MACROD2: variants seen among roughly 807,000 people sequenced by gnomAD.
MACROD2 encodes ADP-ribose glycohydrolase MACROD2.
Under a neutral mutation model 70.4 loss-of-function variants are expected in MACROD2, and 36 were observed. That is an observed-to-expected ratio of 0.51 (90% CI 0.39 to 0.68). MACROD2 has a LOEUF of 0.68. MACROD2 is among the 30% of genes least tolerant of loss of function. The probability of loss-of-function intolerance (pLI) is 0.00; values close to 1 mark genes in which losing one functional copy is unlikely to be tolerated. For missense variants in MACROD2, 496 were observed against 538.4 expected (o/e 0.92, Z 0.78); for synonymous variants, 172 against 178.8 (o/e 0.96, Z 0.30).
intron 8 of MACROD2, among the ~76,000 whole-genome samples, chr20:15,629,469 G>T (rs769783349): frequency 1.6e-4 from 25 of 152,132 alleles, no homozygotes; most frequent in Non-Finnish European, 2.6e-4. Flanking sequence ...AAATACGTGG[G>T]ATATTTCTCT....
chr20:14,773,383 A>G (rs1344914846), intron 5 of MACROD2, among the ~76,000 whole-genome samples: 1 of 151,860 alleles, frequency 6.6e-6, no homozygotes, highest in African/African-American at 2.4e-5. Flanking sequence ...CATTTCCCCT[A>G]TTTCCCAGCC....
intron 5 of MACROD2, among the ~76,000 whole-genome samples, chr20:14,706,111 C>T (rs1014659146): frequency 6.6e-6 from 1 of 151,964 alleles, no homozygotes; most frequent in Non-Finnish European, 1.5e-5. Context: ...GTCAAGAGAT[C>T]GATACCATCC....
chr20:14,903,722 AC>A (rs2073925193), intron 5 of MACROD2, among the ~76,000 whole-genome samples: 1 of 152,106 alleles, frequency 6.6e-6, no homozygotes, highest in South Asian at 2.1e-4. Context: ...AGGCTTCTTA[AC>A]AGACTAGCGT....
At chr20:15,930,700 A>G (rs1482224824) in intron 10 of MACROD2, among the ~76,000 whole-genome samples, 1 of 152,208 alleles carries the variant, frequency 6.6e-6, no homozygotes, top group East Asian at 1.9e-4. Context: ...AAGAGAAAAC[A>G]AAAGCATGCC....
At chr20:15,663,637 G>A (rs1308194304) in intron 8 of MACROD2, among the ~76,000 whole-genome samples, 3 of 151,718 alleles carry the variant, frequency 2.0e-5, no homozygotes, top group Non-Finnish European at 4.4e-5. Flanking sequence ...AAAAAACCGT[G>A]TCTGGGCTTG....
chr20:14,446,431 G>C (rs2084183271), intron 3 of MACROD2, among the ~76,000 whole-genome samples: 1 of 151,992 alleles, frequency 6.6e-6, no homozygotes, highest in Admixed American at 6.6e-5. Context: ...CCCTAACAAG[G>C]ACACTGTATT....
At chr20:14,284,078 A>G (rs967687689) in intron 3 of MACROD2, among the ~76,000 whole-genome samples, 1 of 152,202 alleles carries the variant, frequency 6.6e-6, no homozygotes, top group African/African-American at 2.4e-5. Flanking sequence ...TGCCATGTGA[A>G]AGGCTTATTT....
At chr20:15,545,546 T>C (rs939874669) in intron 8 of MACROD2, among the ~76,000 whole-genome samples, 4 of 152,188 alleles carry the variant, frequency 2.6e-5, no homozygotes, top group Non-Finnish European at 5.9e-5. Context: ...TTCAGAATCA[T>C]AGGGTCACCT....
intron 4 of MACROD2, among the ~76,000 whole-genome samples, chr20:14,652,634 C>A (rs989281030): frequency 6.6e-6 from 1 of 152,118 alleles, no homozygotes; most frequent in Non-Finnish European, 1.5e-5. Flanking sequence ...TAATGAGGTC[C>A]TGGGCTCACT....
At chr20:16,014,666 C>G (rs886531539) in intron 15 of MACROD2, among the ~76,000 whole-genome samples, 1 of 152,216 alleles carries the variant, frequency 6.6e-6, no homozygotes, top group African/African-American at 2.4e-5. Flanking sequence ...CCCTTCCTGT[C>G]CCTGGCTCCC....
At chr20:15,279,847 C>T (rs1568688650) in intron 6 of MACROD2, among the ~76,000 whole-genome samples, 1 of 152,108 alleles carries the variant, frequency 6.6e-6, no homozygotes. Context: ...AAAAAATTGA[C>T]AAATTCTAGG....
At chr20:15,195,474 A>G (rs537502478) in intron 5 of MACROD2, among the ~76,000 whole-genome samples, 2 of 152,114 alleles carry the variant, frequency 1.3e-5, no homozygotes, top group East Asian at 3.9e-4. Context: ...AACAAACATG[A>G]AAAAAAAGTT....
chr20:14,397,198 T>C lies in MACROD2; in HGVS notation c.272-96281T>C, dbSNP rs1337424220. On this transcript the variant is annotated intron_variant, in intron 3 of 17. Coordinates refer to ENST00000684519, the MANE Select transcript of MACROD2 (RefSeq NM_001351661.2). The stretch of plus-strand genomic sequence containing the variant: ...TTACTAGAGATGGAGTTTCACCATA[T>C]TGGCCAGGCTGATCTTGAACTCCTG... Among the ~76,000 whole-genome samples, 3 of 151,914 alleles carry C rather than the reference T, an allele frequency of 2.0e-5. No individual in the cohort carries two copies. In the East Asian group the frequency reaches 5.9e-4, roughly 30 times the overall value.
chr20:15,382,783 T>G (rs1412281933), intron 6 of MACROD2, among the ~76,000 whole-genome samples: 2 of 152,128 alleles, frequency 1.3e-5, no homozygotes, highest in African/African-American at 4.8e-5. Context: ...TGTTAGACAC[T>G]TACACATCCC....
In MACROD2 at chr20:15,189,436, G is replaced by A. The variant is rs544887743; in HGVS notation, c.419-40504G>A. Among the ~76,000 whole-genome samples the A allele has an allele frequency of 9.2e-5, 14 of 152,100 alleles. No individual in the cohort carries two copies. In the South Asian group the frequency reaches 1.2e-3, roughly 14 times the overall value. On this transcript the variant is annotated intron_variant, in intron 5 of 17. Coordinates refer to ENST00000684519, the MANE Select transcript of MACROD2 (RefSeq NM_001351661.2). ...TTTTTCTGAGAATCAACCGGAATTCGGGCAATCTAGCATGAAAAATTTCAC... is the reference window on the plus strand; with the variant it reads ...TTTTTCTGAGAATCAACCGGAATTCAGGCAATCTAGCATGAAAAATTTCAC...
intron 8 of MACROD2, among the ~76,000 whole-genome samples, chr20:15,809,641 G>A (rs2063799644): frequency 6.6e-6 from 1 of 152,154 alleles, no homozygotes; most frequent in African/African-American, 2.4e-5. Context: ...ATGACACCAA[G>A]CCATCCATGA....
intron 6 of MACROD2, among the ~76,000 whole-genome samples, chr20:15,401,002 C>T (rs925483109): frequency 3.3e-5 from 5 of 151,738 alleles, no homozygotes; most frequent in East Asian, 1.9e-4. Context: ...TTACATTCAC[C>T]GTCGGCAACT....
rs114472297 is a variant in MACROD2 at position 15,812,845 on chromosome 20, C to T, written c.646-49900C>T. ...CTTCATAAATAATTTTCTAGAGCCA[C>T]ATTTTTTACAACAGACTGAAACAAA... On this transcript the variant is annotated intron_variant, in intron 8 of 17. Coordinates refer to ENST00000684519, the MANE Select transcript of MACROD2 (RefSeq NM_001351661.2). 5.1e-3 allele frequency among the ~76,000 whole-genome samples: 774 copies of T among 152,246 alleles called. 8 individuals are homozygous for T. Among genetic ancestry groups the T allele is most frequent in the African/African-American group, 0.017 (695 of 41,546 alleles).
chr20:15,123,525 A>C (rs962974951), intron 5 of MACROD2, among the ~76,000 whole-genome samples: 2 of 152,172 alleles, frequency 1.3e-5, no homozygotes, highest in Non-Finnish European at 2.9e-5. Flanking sequence ...TGTCTCATTA[A>C]TCCTTTTTTG....
Sources: allele counts gnomAD v4.1 joint callset (sites outside exome capture counted in the v4.1 genomes callset), GRCh38; gene constraint gnomAD v4.1.1; transcripts MANE v1.5; gene names NCBI Gene and HGNC (gene_info 2026-07-23, HGNC 2026-07-21).